Variants in DHRSX observed in about 807,000 individuals in gnomAD.
The protein encoded by DHRSX is polyprenol dehydrogenase.
Under a neutral mutation model 34.0 loss-of-function variants are expected in DHRSX, and 31 were observed. The observed-to-expected ratio is 0.91, with a 90% CI of 0.69 to 1.23. The LOEUF (loss-of-function observed/expected upper bound fraction) is 1.23, where lower values mean the gene tolerates loss of function less well. Ranked by LOEUF, DHRSX falls within the 50% of genes most tolerant of loss-of-function variation. The pLI is 0.00. For missense variants in DHRSX, 414 were observed against 428.1 expected (o/e 0.97, Z 0.29); for synonymous variants, 201 against 183.8 (o/e 1.09, Z -0.76).
At chrX:2,499,745 C>CA (rs2045368286) in intron 1 of DHRSX, among the ~76,000 whole-genome samples, 1 of 151,898 alleles carries the variant, frequency 6.6e-6, no homozygotes. Context: ...TATTGCTACA[C>CA]AAAAAAATTA....
intron 2 of DHRSX, among the ~76,000 whole-genome samples, chrX:2,424,316 C>T (rs1477382693): frequency 3.3e-5 from 5 of 150,328 alleles, no homozygotes; most frequent in Non-Finnish European, 5.9e-5. Flanking sequence ...TCTGTTATAG[C>T]GCCTGAAATG....
chrX:2,384,458 A>G (rs1029975435), intron 3 of DHRSX, among the ~76,000 whole-genome samples: 8 of 152,192 alleles, frequency 5.3e-5, no homozygotes, highest in Non-Finnish European at 7.3e-5. Context: ...GAAAGGCAGC[A>G]TAAAAGAAAC....
At chrX:2,455,843 G>C (rs1028824525) in intron 1 of DHRSX, among the ~76,000 whole-genome samples, 5 of 151,358 alleles carry the variant, frequency 3.3e-5, no homozygotes, top group African/African-American at 1.2e-4. Flanking sequence ...TAAAATGTTA[G>C]ATTAGTGTCT....
chrX:2,431,822 G>A (rs746758305), intron 1 of DHRSX, among the ~76,000 whole-genome samples: 2 of 152,204 alleles, frequency 1.3e-5, no homozygotes, highest in East Asian at 1.9e-4. Flanking sequence ...CCTGGGTGAC[G>A]GGATCCTTGT....
chrX:2,360,876 G>C (rs2042925066), intron 3 of DHRSX, among the ~76,000 whole-genome samples: 1 of 152,020 alleles, frequency 6.6e-6, no homozygotes, highest in South Asian at 2.1e-4. Flanking sequence ...ACGGTTGAAT[G>C]ACTAAACACC....
At chrX:2,413,058 G>C (rs186896311) in intron 2 of DHRSX, among the ~76,000 whole-genome samples, 1 of 152,072 alleles carries the variant, frequency 6.6e-6, no homozygotes, top group African/African-American at 2.4e-5. Context: ...AGCCGGGTAC[G>C]GTGGCATGCA....
At chrX:2,272,042 CA>C (rs1009521528) in intron 4 of DHRSX, among the ~76,000 whole-genome samples, 5 of 151,516 alleles carry the variant, frequency 3.3e-5, no homozygotes, top group Non-Finnish European at 7.4e-5. Context: ...CAAAACGAAA[CA>C]AAAAAACATA....
chrX:2,222,126 A>G (rs2015535906), intron 6 of DHRSX, among the ~76,000 whole-genome samples: 1 of 152,162 alleles, frequency 6.6e-6, no homozygotes, highest in South Asian at 2.1e-4. Context: ...CCATGCATTG[A>G]TCTTGAACTT....
chrX:2,297,312 C>G (rs756314595), intron 3 of DHRSX, among the ~76,000 whole-genome samples: 1 of 152,172 alleles, frequency 6.6e-6, no homozygotes, highest in Admixed American at 6.5e-5. Context: ...TTGTAGAGAT[C>G]GGATTTTGCA....
intron 3 of DHRSX, among the ~76,000 whole-genome samples, chrX:2,382,279 GTGT>G (rs1200477671): frequency 6.6e-6 from 1 of 152,078 alleles, no homozygotes; most frequent in Non-Finnish European, 1.5e-5. Context: ...AGAGTTGAGG[GTGT>G]CAGACTTGGC....
chrX:2,326,649 G>A (rs1046465012), intron 3 of DHRSX, among the ~76,000 whole-genome samples: 2 of 152,102 alleles, frequency 1.3e-5, no homozygotes, highest in African/African-American at 4.8e-5. Flanking sequence ...ATCCAGTTGT[G>A]TGTTATTGGG....
chrX:2,262,709 G>C (rs1193931106), intron 5 of DHRSX, among the ~76,000 whole-genome samples: 1 of 152,186 alleles, frequency 6.6e-6, no homozygotes, highest in Non-Finnish European at 1.5e-5. Context: ...TGCACAGCCC[G>C]GTGCTTCTTC....
At chrX:2,445,743 G>A (rs28510096) in intron 1 of DHRSX, among the ~76,000 whole-genome samples, 1,882 of 151,582 alleles carry the variant, frequency 0.012, 39 homozygotes, top group African/African-American at 0.043. Context: ...GACTGCCACC[G>A]TGTACACACT....
chrX:2,231,508 TTC>T (rs1394621622), intron 6 of DHRSX, among the ~76,000 whole-genome samples: 2 of 150,122 alleles, frequency 1.3e-5, no homozygotes, highest in East Asian at 2.0e-4. Flanking sequence ...TTCCTTCTCC[TTC>T]TCTTTCCCCC....
chrX:2,356,467 G>A (rs1255669894), intron 3 of DHRSX, among the ~76,000 whole-genome samples: 6 of 151,358 alleles, frequency 4.0e-5, no homozygotes, highest in African/African-American at 1.5e-4. Context: ...AAAAGATGAT[G>A]ACATGAAGTG....
intron 6 of DHRSX, among the ~76,000 whole-genome samples, chrX:2,224,770 ACACT>A (rs1188019570): frequency 2.0e-4 from 31 of 152,046 alleles, no homozygotes; most frequent in African/African-American, 7.5e-4. Context: ...ATGCATACTC[ACACT>A]CATTCACATG....
Position 2,219,859 on chromosome X carries a change from C to T in DHRSX, c.*1182G>A, listed in dbSNP as rs1191542579. ...TCTATGTTGAAATTTGAAAACCCAA[C>T]ATCTATCTCTCTAACACCAAAGGAT... On this transcript the variant is annotated 3_prime_UTR_variant, in exon 7 of 7. Coordinates refer to ENST00000334651, the MANE Select transcript of DHRSX (RefSeq NM_145177.3). The T allele has an allele frequency of 1.3e-5, 2 of 152,182 alleles. No individual in the cohort carries two copies. The highest frequency in any genetic ancestry group is 2.4e-5 in the African/African-American group (1 of 41,442). The allele number at this position is 152,182 out of a possible 1,614,324, so 9.4% of individuals were successfully genotyped here. A position where few individuals can be genotyped will look rare whatever the true frequency, so the allele number is the denominator to read the frequency against.
chrX:2,384,979 T>G (rs771930500), intron 3 of DHRSX, among the ~76,000 whole-genome samples: 15 of 151,794 alleles, frequency 9.9e-5, no homozygotes, highest in African/African-American at 3.4e-4. Flanking sequence ...GCTGCGCACC[T>G]GTAGTCCCAG....
At chrX:2,451,044 A>G (rs970590539) in intron 1 of DHRSX, among the ~76,000 whole-genome samples, 2 of 152,076 alleles carry the variant, frequency 1.3e-5, no homozygotes, top group Non-Finnish European at 2.9e-5. Flanking sequence ...TAAACCTCCA[A>G]CCTTTAGAAC....
Sources: gnomAD v4.1 joint callset for allele counts (sites outside exome capture counted in the v4.1 genomes callset) on GRCh38, gnomAD v4.1.1 for gene constraint, MANE v1.5 for transcripts, NCBI Gene and HGNC (gene_info 2026-07-23, HGNC 2026-07-21) for gene names.